The following LDLRAD4 variants were observed in gnomAD, a reference collection of about 807,000 sequenced individuals.
LDLRAD4 encodes low-density lipoprotein receptor class A domain-containing protein 4.
LDLRAD4 carries 5 observed loss-of-function variants against 17.0 expected under a neutral mutation model. That is an observed-to-expected ratio of 0.29 (90% confidence interval 0.15 to 0.62). The LOEUF is 0.62. Ranked by LOEUF, LDLRAD4 falls within the 20% of genes least tolerant of loss-of-function variation. The probability of loss-of-function intolerance (pLI) is 0.84; values close to 1 mark genes in which losing one functional copy is unlikely to be tolerated. For synonymous variants in LDLRAD4, 168 were observed against 171.8 expected (o/e 0.98, Z 0.17); for missense variants, 340 against 424.7 (o/e 0.80, Z 1.75).
At chr18:13,325,892 A>G (rs2081505873) in intron 1 of LDLRAD4, among the ~76,000 whole-genome samples, 1 of 151,922 alleles carries the variant, frequency 6.6e-6, no homozygotes, top group African/African-American at 2.4e-5. Flanking sequence ...AGCCGGGACT[A>G]CAGGTGCCCG....
rs76022678 is a variant in LDLRAD4, at chr18:13,455,298, G to A, written c.181+16914G>A. Among the ~76,000 whole-genome samples, 21 of 152,296 alleles carry A rather than the reference G, an allele frequency of 1.4e-4. No individual in the cohort carries two copies. The East Asian group carries it at 3.7e-3, about 27-fold the overall frequency. On this transcript the variant is annotated intron_variant, in intron 3 of 5. Coordinates refer to ENST00000359446, the Ensembl canonical transcript of LDLRAD4. ...AAATTCTGCTTCCAAGATAGGCAGC[G>A]AAAACTGCCAAATTAAAATGCACAC...
chr18:13,242,972 C>T (rs1170801826), intron 1 of LDLRAD4, among the ~76,000 whole-genome samples: 1 of 152,248 alleles, frequency 6.6e-6, no homozygotes, highest in Admixed American at 6.5e-5. Flanking sequence ...GTGCTCTTCT[C>T]CCTGCCGGCC....
At chr18:13,556,282 A>G (rs968022799) in intron 3 of LDLRAD4, among the ~76,000 whole-genome samples, 5 of 152,242 alleles carry the variant, frequency 3.3e-5, no homozygotes, top group Non-Finnish European at 7.3e-5. Flanking sequence ...TGTCATTTCT[A>G]CATGTTATCA....
chr18:13,629,949 A>T (rs2041515195), intron 4 of LDLRAD4, among the ~76,000 whole-genome samples: 1 of 152,180 alleles, frequency 6.6e-6, no homozygotes, highest in Admixed American at 6.5e-5. Context: ...TTCTTCTCAC[A>T]TGTGAGACGA....
chr18:13,455,487 G>A (rs1275179673), intron 3 of LDLRAD4, among the ~76,000 whole-genome samples: 1 of 152,094 alleles, frequency 6.6e-6, no homozygotes, highest in Non-Finnish European at 1.5e-5. Context: ...AGAGGCTGGA[G>A]GCTGCAGGGG....
chr18:13,483,667 G>A (rs2093151669), intron 3 of LDLRAD4, among the ~76,000 whole-genome samples: 1 of 152,200 alleles, frequency 6.6e-6, no homozygotes, highest in South Asian at 2.1e-4. Context: ...TACTGTGCGT[G>A]TTGTATCATT....
At chr18:13,606,885 G>T (rs754334803) in intron 3 of LDLRAD4, among the ~76,000 whole-genome samples, 10 of 152,230 alleles carry the variant, frequency 6.6e-5, no homozygotes, top group Non-Finnish European at 1.0e-4. Context: ...AACAAGAGCT[G>T]CATTAACAGG....
chr18:13,346,230 C>A (rs2082678974), intron 1 of LDLRAD4, among the ~76,000 whole-genome samples: 1 of 151,934 alleles, frequency 6.6e-6, no homozygotes, highest in African/African-American at 2.4e-5. Flanking sequence ...CTATAAGTTT[C>A]CCTCTACACA....
intron 2 of LDLRAD4, among the ~76,000 whole-genome samples, chr18:13,388,750 G>T (rs1046154406): frequency 2.0e-5 from 3 of 152,232 alleles, no homozygotes; most frequent in Non-Finnish European, 4.4e-5. Flanking sequence ...TGGCTTCGGC[G>T]TGAAGAGATG....
At chr18:13,363,019 G>T (rs955020037) in intron 1 of LDLRAD4, among the ~76,000 whole-genome samples, 5 of 152,164 alleles carry the variant, frequency 3.3e-5, no homozygotes, top group African/African-American at 9.7e-5. Context: ...CGGCAGCAAA[G>T]GCTGGAGAAC....
intron 1 of LDLRAD4, among the ~76,000 whole-genome samples, chr18:13,266,420 A>G (rs2044221402): frequency 6.6e-6 from 1 of 152,138 alleles, no homozygotes; most frequent in African/African-American, 2.4e-5. Flanking sequence ...TCTCGGGGAC[A>G]ACAGACACAG....
At chr18:13,627,423 C>T (rs918257739) in intron 4 of LDLRAD4, among the ~76,000 whole-genome samples, 8 of 152,128 alleles carry the variant, frequency 5.3e-5, no homozygotes, top group African/African-American at 1.4e-4. Flanking sequence ...ACCTGTCTCT[C>T]GCTGGGGACC....
At chr18:13,603,801 G>A (rs1387369018) in intron 3 of LDLRAD4, among the ~76,000 whole-genome samples, 2 of 152,210 alleles carry the variant, frequency 1.3e-5, no homozygotes, top group East Asian at 1.9e-4. Flanking sequence ...TCACGACCCC[G>A]CTAGCTCTTG....
At chr18:13,508,392 G>A (rs1940919) in intron 3 of LDLRAD4, among the ~76,000 whole-genome samples, 57,202 of 151,828 alleles carry the variant, frequency 0.38, 11,766 homozygotes, top group African/African-American at 0.56. Context: ...TTCAGTGTAG[G>A]TGGAATAACC....
intron 3 of LDLRAD4, among the ~76,000 whole-genome samples, chr18:13,549,514 A>G (rs1234443034): frequency 6.6e-6 from 1 of 151,980 alleles, no homozygotes; most frequent in Non-Finnish European, 1.5e-5. Context: ...TCACGGAGGC[A>G]TTTTAATGGG....
At chr18:13,421,697 C>T (rs1050535928) in intron 2 of LDLRAD4, among the ~76,000 whole-genome samples, 4 of 152,320 alleles carry the variant, frequency 2.6e-5, no homozygotes, top group Admixed American at 6.5e-5. Context: ...TTCCCCCTGC[C>T]CCCCACCCAC....
chr18:13,375,233 GGAAAAGGAGGA>G (rs1238041069), intron 1 of LDLRAD4, among the ~76,000 whole-genome samples: 1 of 152,172 alleles, frequency 6.6e-6, no homozygotes, highest in African/African-American at 2.4e-5. Context: ...AGAGGCCGGT[GGAAAAGGAGGA>G]GAAAAGGAGG....
chr18:13,315,516 A>G (rs998125672), intron 1 of LDLRAD4, among the ~76,000 whole-genome samples: 3 of 152,322 alleles, frequency 2.0e-5, no homozygotes, highest in Admixed American at 6.5e-5. Flanking sequence ...TGTATAGGCC[A>G]GGCGTGGTGG....
At chr18:13,431,379 C>T (rs529183633) in intron 2 of LDLRAD4, among the ~76,000 whole-genome samples, 2 of 152,312 alleles carry the variant, frequency 1.3e-5, no homozygotes, top group African/African-American at 4.8e-5. Flanking sequence ...ACCACAAAAG[C>T]AAATTCATTC....
Sources: gnomAD v4.1 joint callset for allele counts (sites outside exome capture counted in the v4.1 genomes callset) on GRCh38, gnomAD v4.1.1 for gene constraint, MANE v1.5 for transcripts, NCBI Gene and HGNC (gene_info 2026-07-23, HGNC 2026-07-21) for gene names.